The following PRICKLE2 variants were observed in gnomAD, a reference collection of about 807,000 sequenced individuals.
PRICKLE2 encodes prickle planar cell polarity protein 2.
A neutral mutation model predicts 81.4 loss-of-function variants in PRICKLE2; 21 were observed. The ratio of observed to expected loss-of-function variants is 0.26; its 90% CI spans 0.18 to 0.37. The LOEUF is 0.37. PRICKLE2 is among the 10% of genes least tolerant of loss of function. The probability of loss-of-function intolerance (pLI) is 1.00; values close to 1 mark genes in which losing one functional copy is unlikely to be tolerated. For missense variants in PRICKLE2, 940 were observed against 1,109.0 expected, an observed-to-expected ratio of 0.85 and a Z score of 2.16; for synonymous variants, 456 against 421.5, an observed-to-expected ratio of 1.08 and a Z score of -1.00.
chr3:64,131,090 C>A (rs1175277852), intron 7 of PRICKLE2, among the ~76,000 whole-genome samples: 1 of 152,240 alleles, frequency 6.6e-6, no homozygotes. Context: ...AGGCCTCAAA[C>A]CTGAGATGGC....
At chr3:64,196,233 T>C (rs927761336) in intron 2 of PRICKLE2, among the ~76,000 whole-genome samples, 1 of 152,218 alleles carries the variant, frequency 6.6e-6, no homozygotes, top group Non-Finnish European at 1.5e-5. Context: ...TTTAATGGTC[T>C]TAGAGAAAAC....
Position 64,147,810 on chromosome 3 carries a change from G to C in PRICKLE2, c.788-108C>G. ...TGTCTCAGGATTCCAGGTGCGGCAG[G>C]ATAAACTGTCAATAAATCAACAATC... On this transcript the variant is annotated intron_variant, in intron 6 of 7. Coordinates refer to ENST00000638394, the MANE Select transcript of PRICKLE2 (RefSeq NM_198859.4). This position sits in a 1 kb window ranked among gnomAD's most constrained non-coding sequence, Gnocchi z 5.0. 1.7e-6 allele frequency: 2 copies of C among 1,172,736 alleles called. No individual in the cohort carries two copies. The highest frequency in any genetic ancestry group is 4.8e-5 in the East Asian group (2 of 42,090). 72.6% of individuals were successfully genotyped at this position (1,172,736 alleles called of 1,614,324 possible).
intron 4 of PRICKLE2, 48 bp downstream of exon 4, chr3:64,159,892 A>C (rs375746863): frequency 3.3e-5 from 53 of 1,612,006 alleles, no homozygotes; most frequent in Non-Finnish European, 4.2e-5. Context: ...TGAATGGGTG[A>C]AAAGATGCCA....
chr3:64,136,184 T>A (rs1207354268), intron 7 of PRICKLE2, among the ~76,000 whole-genome samples: 1 of 152,068 alleles, frequency 6.6e-6, no homozygotes, highest in Non-Finnish European at 1.5e-5. Context: ...AATCCACTTT[T>A]TCTTTTGTCT....
At chr3:64,195,756 A>G (rs1321146908) in intron 2 of PRICKLE2, among the ~76,000 whole-genome samples, 1 of 152,194 alleles carries the variant, frequency 6.6e-6, no homozygotes, top group East Asian at 1.9e-4. Flanking sequence ...TTTGAAGCCC[A>G]TTTCTTACAT....
chr3:64,150,360 A>G (rs2077525507), intron 6 of PRICKLE2, among the ~76,000 whole-genome samples: 1 of 152,068 alleles, frequency 6.6e-6, no homozygotes. Flanking sequence ...GGGGATAATC[A>G]TAGTACTTGG....
intron 2 of PRICKLE2, among the ~76,000 whole-genome samples, chr3:64,263,097 T>C (rs1158531979): frequency 2.0e-5 from 3 of 152,206 alleles, no homozygotes; most frequent in Non-Finnish European, 4.4e-5. Flanking sequence ...ATGTAAAACA[T>C]CGTATGTTCC....
At chr3:64,261,201 G>A (rs2107189744) in intron 2 of PRICKLE2, among the ~76,000 whole-genome samples, 1 of 152,246 alleles carries the variant, frequency 6.6e-6, no homozygotes, top group Middle Eastern at 3.4e-3. Flanking sequence ...TAGCAGCATT[G>A]GGAAGCACAT....
At position 64,153,234 on chromosome 3, in the gene PRICKLE2, G is replaced by T. The variant is rs1169515242; in HGVS notation, c.735C>A (p.His245Gln). Residue 245 changes from histidine to glutamine, a missense_variant, in exon 6 of 8, where the codon CAC (histidine) becomes CAA (glutamine). Physicochemically the swap from His to Gln is conservative, Grantham distance 24. Transcript: ENST00000638394. ...IMKEGRPYCCHCFESLYAEYC... is the reference protein window; with the variant it reads ...IMKEGRPYCCQCFESLYAEYC... ...ATTCTGCATACAAGGACTCGAAGCA[G>T]TGGCAACAGTAGGGTCTTCCCTCCT... 8.1e-6 allele frequency: 13 copies of T among 1,614,108 alleles called. No homozygotes were observed. Among genetic ancestry groups the T allele is most frequent in the Non-Finnish European group, 1.1e-5 (13 of 1,180,052 alleles).
At chr3:64,221,420 TACACACACACACACAC>T (rs71808412) in intron 1 of PRICKLE2, among the ~76,000 whole-genome samples, 2,368 of 143,900 alleles carry the variant, frequency 0.016, 23 homozygotes, top group Admixed American at 0.02. Flanking sequence ...GCTTGATTCA[TACACACACACACACAC>T]ACACACACAC....
intron 1 of PRICKLE2, among the ~76,000 whole-genome samples, chr3:64,221,172 A>G (rs2078945732): frequency 6.6e-6 from 1 of 151,912 alleles, no homozygotes; most frequent in Non-Finnish European, 1.5e-5. Context: ...CTGCTTCTCC[A>G]TTCTGTCTTC....
At chr3:64,203,616 A>G (rs1456269516) in intron 1 of PRICKLE2, among the ~76,000 whole-genome samples, 1 of 152,178 alleles carries the variant, frequency 6.6e-6, no homozygotes, top group Non-Finnish European at 1.5e-5. Flanking sequence ...AAAGATAACA[A>G]GAAAACAAAG....
chr3:64,185,133 T>C (rs1306063828), intron 2 of PRICKLE2, among the ~76,000 whole-genome samples: 4 of 152,158 alleles, frequency 2.6e-5, no homozygotes, highest in African/African-American at 9.7e-5. Context: ...GTGTTCACAA[T>C]TTTGATCATC....
At chr3:64,238,238 G>T (rs2079211128) in intron 2 of PRICKLE2, among the ~76,000 whole-genome samples, 2 of 152,180 alleles carry the variant, frequency 1.3e-5, no homozygotes, top group Admixed American at 1.3e-4. Flanking sequence ...CGTAATCCCA[G>T]CCCTTTGGGA....
rs536195911 is a variant in PRICKLE2 at position 64,166,906 on chromosome 3, G to C, written c.145-3777C>G. Among the ~76,000 whole-genome samples, 14 of 152,240 alleles carry C rather than the reference G, an allele frequency of 9.2e-5. No homozygotes were observed. The South Asian group carries it at 2.9e-3, about 32-fold the overall frequency. ...TGTCGCCTCCTGGTGTTTAGATGCT[G>C]GACTTTCCAAATTTTTCACTGAGCA... On this transcript the variant is annotated intron_variant, in intron 2 of 7. Transcript: ENST00000638394.
chr3:64,108,993 G>A (rs950428763), intron 7 of PRICKLE2, among the ~76,000 whole-genome samples: 4 of 152,078 alleles, frequency 2.6e-5, no homozygotes, highest in African/African-American at 9.7e-5. Context: ...AAATGTCCCT[G>A]GAGGGCAAAA....
upstream of PRICKLE2, among the ~76,000 whole-genome samples, chr3:64,225,924 T>A (rs2079025675): frequency 6.6e-6 from 1 of 152,014 alleles, no homozygotes; most frequent in African/African-American, 2.4e-5. Context: ...AACTTTCATT[T>A]TCGGGTGTTG....
At chr3:64,241,807 G>A (rs770275676) in intron 2 of PRICKLE2, among the ~76,000 whole-genome samples, 10 of 152,190 alleles carry the variant, frequency 6.6e-5, no homozygotes, top group Non-Finnish European at 1.5e-4. Context: ...AAAAGGGCCT[G>A]ATTGTCGGCA....
At chr3:64,151,210 A>C (rs1240419282) in intron 6 of PRICKLE2, among the ~76,000 whole-genome samples, 4 of 152,214 alleles carry the variant, frequency 2.6e-5, no homozygotes, top group Admixed American at 1.3e-4. Context: ...TGCTATATAG[A>C]GTGTGCTCTT....
Sources: gnomAD v4.1 joint callset for allele counts (sites outside exome capture counted in the v4.1 genomes callset) on GRCh38, gnomAD v4.1.1 for gene constraint, Gnocchi (gnomAD v3.1) non-coding constraint, MANE v1.5 for transcripts, NCBI Gene and HGNC (gene_info 2026-07-23, HGNC 2026-07-21) for gene names.